Variants in SPATA13 observed in about 807,000 individuals in gnomAD.
SPATA13 encodes spermatogenesis-associated protein 13.
Under a neutral mutation model 104.0 loss-of-function variants are expected in SPATA13, and 50 were observed. That is an observed-to-expected ratio of 0.48 (90% CI 0.38 to 0.61). The LOEUF is 0.61. SPATA13 is among the 20% of genes least tolerant of loss of function. The pLI, the probability that SPATA13 is intolerant of heterozygous loss-of-function variation, is 0.00. For missense variants in SPATA13, 1,524 were observed against 1,690.6 expected, an observed-to-expected ratio of 0.90 and a Z score of 1.73; for synonymous variants, 606 against 667.5, an observed-to-expected ratio of 0.91 and a Z score of 1.42.
At position 24,140,009 on chromosome 13, in the gene SPATA13, CAGTGAGCCA is replaced by C. The variant is rs1881704080; in HGVS notation, c.-111-82807_-111-82799del. 2.7e-5 allele frequency among the ~76,000 whole-genome samples: 4 copies of C among 149,254 alleles called. No homozygotes were observed. In the Admixed American group the frequency reaches 2.7e-4, roughly 10 times the overall value. Reference sequence around the variant, plus strand: ...TGTGAACCCGGGAGGCGGAGCTTGGCAGTGAGCCAAGGTCGTGCCACTGCACGCCAGCCT... The same window carrying C: ...TGTGAACCCGGGAGGCGGAGCTTGGCAGGTCGTGCCACTGCACGCCAGCCT... On this transcript the variant is annotated intron_variant, in intron 3 of 14. Transcript: ENST00000424834.
intron 1 of SPATA13, among the ~76,000 whole-genome samples, chr13:24,208,069 G>C (rs76243900): frequency 0.011 from 1,652 of 152,332 alleles, 28 homozygotes; most frequent in African/African-American, 0.038. Context: ...GCTTTCGGCA[G>C]GGAAGGGACG....
chr13:24,152,788 C>T (rs1395390647), intron 3 of SPATA13, among the ~76,000 whole-genome samples: 2 of 152,242 alleles, frequency 1.3e-5, no homozygotes, highest in Non-Finnish European at 2.9e-5. Context: ...TGCAGAGCCA[C>T]TCCAAGTCCT....
intron 1 of SPATA13, among the ~76,000 whole-genome samples, chr13:24,184,244 C>T (rs1396935910): frequency 1.3e-5 from 2 of 152,160 alleles, no homozygotes; most frequent in Admixed American, 6.5e-5. Flanking sequence ...GTGGAAATTC[C>T]ATACAGAAAA....
At chr13:24,196,350 T>G (rs2138561165) in intron 1 of SPATA13, among the ~76,000 whole-genome samples, 1 of 152,324 alleles carries the variant, frequency 6.6e-6, no homozygotes, top group South Asian at 2.1e-4. Flanking sequence ...TTACAGTGTT[T>G]TTTAATGTTA....
intron 3 of SPATA13, among the ~76,000 whole-genome samples, chr13:24,036,075 T>C (rs1446669445): frequency 3.3e-5 from 5 of 152,158 alleles, no homozygotes; most frequent in African/African-American, 1.2e-4. Context: ...AGCTTTTGTT[T>C]CTGATGGACT....
rs1878340886 is a variant in SPATA13 at position 24,051,576 on chromosome 13, CCTCCGT to C, written c.-112+33880_-112+33885del. Among the ~76,000 whole-genome samples, 1 of 152,176 alleles carries C rather than the reference CCTCCGT, an allele frequency of 6.6e-6. No homozygotes were observed. Among genetic ancestry groups the C allele is most frequent in the African/African-American group, 2.4e-5 (1 of 41,442 alleles). On this transcript the variant is annotated intron_variant, in intron 3 of 14. Transcript: ENST00000424834. The surrounding 1 kb of genome is among the most constrained non-coding windows in gnomAD (Gnocchi z 4.2). ...GAAGGAAGCCAGGGAGTAAATGCTT[CCTCCGT>C]CTCCCTGCTGGTCTAGTAGAGTGGA...
At chr13:24,211,573 A>G (rs1871016467) in intron 1 of SPATA13, among the ~76,000 whole-genome samples, 1 of 152,104 alleles carries the variant, frequency 6.6e-6, no homozygotes, top group Non-Finnish European at 1.5e-5. Flanking sequence ...TTGTGTATTT[A>G]TTTAGTAAGG....
chr13:24,146,611 C>T lies in SPATA13; in HGVS notation c.-111-76208C>T, dbSNP rs149101561. 9.5e-3 allele frequency among the ~76,000 whole-genome samples: 1,415 copies of T among 149,090 alleles called. 13 individuals are homozygous for T. The highest frequency in any genetic ancestry group is 0.031 in the African/African-American group (1,270 of 40,496). ...AAATAACCTCTAAAATGTTCTTTTA[C>T]AGGGCACTAAGGAAATGGAAATGCA... is the stretch of plus-strand genomic sequence containing the variant. On this transcript the variant is annotated intron_variant, in intron 3 of 14. Coordinates refer to the SPATA13 transcript ENST00000424834.
At chr13:24,045,542 G>C (rs896642871) in intron 3 of SPATA13, among the ~76,000 whole-genome samples, 1 of 152,174 alleles carries the variant, frequency 6.6e-6, no homozygotes, top group African/African-American at 2.4e-5. Flanking sequence ...AAACATTGTA[G>C]AGTAAATGTT....
chr13:24,240,022 C>T (rs974842599), intron 2 of SPATA13, among the ~76,000 whole-genome samples: 3 of 151,726 alleles, frequency 2.0e-5, no homozygotes, highest in African/African-American at 4.9e-5. Context: ...TTGCAACCTA[C>T]GACCGGGTGT....
At chr13:24,170,662 G>C (rs949589186) in intron 1 of SPATA13, among the ~76,000 whole-genome samples, 1 of 152,046 alleles carries the variant, frequency 6.6e-6, no homozygotes, top group Non-Finnish European at 1.5e-5. Context: ...TGAAGATAAT[G>C]GGTATCTGTG....
chr13:24,129,047 C>A (rs1881312151), intron 3 of SPATA13, among the ~76,000 whole-genome samples: 1 of 152,250 alleles, frequency 6.6e-6, no homozygotes, highest in African/African-American at 2.4e-5. Flanking sequence ...CACCCTGTGG[C>A]ACCGCACCAT....
At chr13:24,151,735 A>G (rs955108796) in intron 3 of SPATA13, among the ~76,000 whole-genome samples, 2 of 152,224 alleles carry the variant, frequency 1.3e-5, no homozygotes, top group Admixed American at 6.5e-5. Context: ...TAATATTAGC[A>G]GTTCCTACCA....
intron 3 of SPATA13, among the ~76,000 whole-genome samples, chr13:24,128,934 G>A (rs1881307981): frequency 6.6e-6 from 1 of 152,110 alleles, no homozygotes; most frequent in Non-Finnish European, 1.5e-5. Flanking sequence ...ATCAAGTAAT[G>A]ATTGGTTCCA....
chr13:24,122,217 T>G (rs1373525425), intron 3 of SPATA13: 1 of 1,452,448 alleles, frequency 6.9e-7, no homozygotes, highest in Non-Finnish European at 9.7e-7. Context: ...AACTGTTTTC[T>G]TTGTTCTTCA....
At chr13:24,259,518 C>T (rs572618994) in intron 4 of SPATA13, among the ~76,000 whole-genome samples, 1 of 152,358 alleles carries the variant, frequency 6.6e-6, no homozygotes, top group South Asian at 2.1e-4. Context: ...GGGTGACATT[C>T]TTTCCCTGTC....
At chr13:24,141,673 G>A (rs1035497419) in intron 3 of SPATA13, among the ~76,000 whole-genome samples, 2 of 152,204 alleles carry the variant, frequency 1.3e-5, no homozygotes, top group African/African-American at 2.4e-5. Context: ...CGCCTGCCAC[G>A]CAGGGGGTAT....
chr13:24,216,189 C>T (rs1330401374), intron 1 of SPATA13, among the ~76,000 whole-genome samples: 1 of 152,170 alleles, frequency 6.6e-6, no homozygotes, highest in African/African-American at 2.4e-5. Context: ...CAGCATCTTT[C>T]GCACAAGCTC....
chr13:24,023,092 C>A (rs1434992731), intron 3 of SPATA13, among the ~76,000 whole-genome samples: 1 of 152,130 alleles, frequency 6.6e-6, no homozygotes, highest in Admixed American at 6.5e-5. Flanking sequence ...CTCCCCTCAC[C>A]TCCCACCCCA....
Sources: gnomAD v4.1 joint callset for allele counts (sites outside exome capture counted in the v4.1 genomes callset) on GRCh38, gnomAD v4.1.1 for gene constraint, Gnocchi (gnomAD v3.1) non-coding constraint, MANE v1.5 for transcripts, NCBI Gene and HGNC (gene_info 2026-07-23, HGNC 2026-07-21) for gene names.